The following CNOT9 variants were observed in gnomAD, a reference collection of about 807,000 sequenced individuals.
CNOT9 encodes RCD1 required for cell differentiation1 homolog.
Under a neutral mutation model 37.4 loss-of-function variants are expected in CNOT9, and 8 were observed. The observed-to-expected ratio is 0.21, with a 90% CI of 0.13 to 0.39. The LOEUF is 0.39. CNOT9 is among the 10% of genes least tolerant of loss of function. The probability of loss-of-function intolerance (pLI) is 1.00; values close to 1 mark genes in which losing one functional copy is unlikely to be tolerated. For missense variants in CNOT9, 154 were observed against 365.3 expected, an observed-to-expected ratio of 0.42 and a Z score of 4.71; for synonymous variants, 120 against 137.6, an observed-to-expected ratio of 0.87 and a Z score of 0.90.
At chr2:218,570,122 A>G (rs1693934331) in intron 1 of CNOT9, among the ~76,000 whole-genome samples, 2 of 152,230 alleles carry the variant, frequency 1.3e-5, no homozygotes, top group African/African-American at 2.4e-5. Context: ...TTGCTGCATG[A>G]AAGAATATTG....
At chr2:218,583,430 A>AT (rs1694484959) in intron 3 of CNOT9, among the ~76,000 whole-genome samples, 2 of 152,152 alleles carry the variant, frequency 1.3e-5, no homozygotes, top group African/African-American at 4.8e-5. Flanking sequence ...GGCATAGTGC[A>AT]TGGCATATAA....
In CNOT9 at chr2:218,587,609, C is replaced by A. The variant is rs745779361; in HGVS notation, c.454C>A (p.Gln152Lys). ...AGGGGCCCTGGTGAAAACAGATGAA[C>A]AAGAAGTAATCAACTTTTTATTAAC... ...VIGALVKTDE[Q>K]EVINFLLTTE... The change falls in exon 5 of 8, where the codon CAA becomes AAA. Residue 152 changes from glutamine to lysine, a missense_variant. Physicochemically the swap from Gln to Lys is moderately conservative, Grantham distance 53 (BLOSUM62 1). Coordinates refer to ENST00000273064, the MANE Select transcript of CNOT9 (RefSeq NM_005444.3). 1 of 1,604,520 alleles carries A rather than the reference C, an allele frequency of 6.2e-7. No individual in the cohort carries two copies. The highest frequency in any genetic ancestry group is 1.1e-5 in the South Asian group (1 of 88,768).
At position 218,592,936 on chromosome 2, in the gene CNOT9, G is replaced by C. The variant is rs994285673; in HGVS notation, c.731+229G>C. 1 of 534,082 alleles carries C rather than the reference G, an allele frequency of 1.9e-6. No individual in the cohort carries two copies. The highest frequency in any genetic ancestry group is 1.9e-5 in the African/African-American group (1 of 52,288). The allele number at this position is 534,082 out of a possible 1,614,324, so 33.1% of individuals were successfully genotyped here. A position where few individuals can be genotyped will look rare whatever the true frequency, so the allele number is the denominator to read the frequency against. On this transcript the variant is annotated intron_variant, in intron 7 of 7. Coordinates refer to ENST00000273064, the MANE Select transcript of CNOT9 (RefSeq NM_005444.3). The surrounding 1 kb of genome is among the most constrained non-coding windows in gnomAD (Gnocchi z 4.1). Reference sequence around the variant, plus strand: ...CTCCATCCTACTGTGAAATTCCAGAGAGTCTAGGCGATTCCAAAGGAAACC... The same window carrying C: ...CTCCATCCTACTGTGAAATTCCAGACAGTCTAGGCGATTCCAAAGGAAACC...
At chr2:218,580,504 G>T in intron 1 of CNOT9, 57 bp from the exon 2 acceptor site, 1 of 1,450,148 alleles carries the variant, frequency 6.9e-7, no homozygotes. Flanking sequence ...CTGTTGCAGG[G>T]TAAGACTTGG....
chr2:218,585,467 G>C (rs921560836), intron 4 of CNOT9, among the ~76,000 whole-genome samples: 8 of 151,554 alleles, frequency 5.3e-5, no homozygotes, highest in Non-Finnish European at 8.8e-5. Flanking sequence ...CAGCTGCTGG[G>C]GAGGCTGAGG....
intron 1 of CNOT9, among the ~76,000 whole-genome samples, chr2:218,577,416 C>T (rs140002589): frequency 6.6e-6 from 1 of 152,284 alleles, no homozygotes; most frequent in Non-Finnish European, 1.5e-5. Context: ...AGCTAGTGCC[C>T]ATGGGGGCCA....
chr2:218,569,174 C>T (rs971469355), intron 1 of CNOT9, among the ~76,000 whole-genome samples, 196 bp downstream of exon 1: 2 of 152,214 alleles, frequency 1.3e-5, no homozygotes, highest in Non-Finnish European at 2.9e-5. Flanking sequence ...ACGCCTCTCG[C>T]GGCCTTCAGC....
At chr2:218,583,281 C>G (rs1326521778) in intron 3 of CNOT9, among the ~76,000 whole-genome samples, 195 bp downstream of exon 3, 1 of 116,610 alleles carries the variant, frequency 8.6e-6, no homozygotes, top group Non-Finnish European at 1.7e-5. Context: ...CTCTCTCTCT[C>G]TCTCTCCTGG....
intron 3 of CNOT9, 143 bp downstream of exon 3, chr2:218,583,229 G>GTC (rs1694470626): frequency 2.7e-4 from 24 of 90,128 alleles, no homozygotes; most frequent in East Asian, 2.3e-4. Context: ...GTGTGTGTGT[G>GTC]TGTGTCTCTC....
intron 1 of CNOT9, among the ~76,000 whole-genome samples, chr2:218,573,134 G>A (rs764175446): frequency 6.6e-6 from 1 of 151,902 alleles, no homozygotes; most frequent in Non-Finnish European, 1.5e-5. Flanking sequence ...CCTGGCCAAC[G>A]TAGTGAAACC....
rs1694912860 is a variant in CNOT9 at position 218,595,791 on chromosome 2, A to G, written c.*1515A>G. On this transcript the variant is annotated 3_prime_UTR_variant, in exon 8 of 8. Transcript: ENST00000273064. ...CATTTGCAGAGGCAGTTTTGCCAACACAAGGGCTCTTTCAAGCCGACTTTC... is the reference window on the plus strand; with the variant it reads ...CATTTGCAGAGGCAGTTTTGCCAACGCAAGGGCTCTTTCAAGCCGACTTTC... The G allele has an allele frequency of 6.6e-6, 1 of 151,692 alleles. No homozygotes were observed. The highest frequency in any genetic ancestry group is 2.4e-5 in the African/African-American group (1 of 41,320). 9.4% of individuals were successfully genotyped at this position (151,692 alleles called of 1,614,324 possible). A position where few individuals can be genotyped will look rare whatever the true frequency, so the allele number is the denominator to read the frequency against.
chr2:218,569,165 C>A (rs689116), intron 1 of CNOT9, among the ~76,000 whole-genome samples, 187 bp downstream of exon 1: 70,683 of 152,098 alleles, frequency 0.46, 19,566 homozygotes, highest in East Asian at 0.78. Flanking sequence ...CCTTGCCGGA[C>A]GCCTCTCGCG....
At position 218,594,134 on chromosome 2, in the gene CNOT9, T is replaced by C; in HGVS notation, c.758T>C (p.Leu253Pro). 6.2e-7 allele frequency: 1 copy of C among 1,614,218 alleles called. No homozygotes were observed. Among genetic ancestry groups the C allele is most frequent in the Non-Finnish European group, 8.5e-7 (1 of 1,180,032 alleles). Residue 253 changes from leucine (L) to proline (P), a missense_variant, in exon 8 of 8, where the codon CTC becomes CCC. Leu to Pro is a moderately conservative substitution (Grantham distance 98). This residue lies in a region of CNOT9 where 117 missense variants were observed against 325.4 expected (regional missense o/e 0.36). Transcript: ENST00000273064. ...GCACGTGAAGCACTCAGACAGTGCC[T>C]CCCTGACCAGCTGAAAGACACAACC... ...PRAREALRQC[L>P]PDQLKDTTFA...
In CNOT9 at chr2:218,595,404, C is replaced by CTTTTTTTGTTTTTTTTTTTTTTTTT. The variant is rs1694899865; in HGVS notation, c.*1135_*1136insGTTTTTTTTTTTTTTTTTTTTTTTT. 1 of 50,928 alleles carries CTTTTTTTGTTTTTTTTTTTTTTTTT rather than the reference C, an allele frequency of 2.0e-5. No homozygotes were observed. The highest frequency in any genetic ancestry group is 3.6e-5 in the Non-Finnish European group (1 of 27,418). 3.2% of individuals were successfully genotyped at this position (50,928 alleles called of 1,614,324 possible). A position where few individuals can be genotyped will look rare whatever the true frequency, so the allele number is the denominator to read the frequency against. ...GAGGGCTGGGTTCTGCTCACTCAGTCTTTTTTTTTTTTTTTTTTTTTTTTT... is the reference window on the plus strand; with the variant it reads ...GAGGGCTGGGTTCTGCTCACTCAGTCTTTTTTTGTTTTTTTTTTTTTTTTTTTTTTTTTTTTTTTTTTTTTTTTTT... On this transcript the variant is annotated 3_prime_UTR_variant, in exon 8 of 8. Coordinates refer to ENST00000273064, the MANE Select transcript of CNOT9 (RefSeq NM_005444.3).
At chr2:218,583,608 G>A (rs1314473911) in intron 3 of CNOT9, among the ~76,000 whole-genome samples, 1 of 152,126 alleles carries the variant, frequency 6.6e-6, no homozygotes, top group African/African-American at 2.4e-5. Flanking sequence ...TAAGAAAAGG[G>A]AAATCCTGTT....
At chr2:218,569,096 C>T (rs572293833) in intron 1 of CNOT9, 118 bp downstream of exon 1, 2 of 1,109,754 alleles carry the variant, frequency 1.8e-6, no homozygotes, top group African/African-American at 3.2e-5. Flanking sequence ...CCCTCAATCT[C>T]CAAGGCCCCG....
At chr2:218,586,377 C>T (rs1694598765) in intron 4 of CNOT9, among the ~76,000 whole-genome samples, 1 of 152,142 alleles carries the variant, frequency 6.6e-6, no homozygotes. Context: ...GCTTGTGCTC[C>T]CTCATTCGCT....
At chr2:218,587,498 T>C in intron 4 of CNOT9, 88 bp from the exon 5 acceptor site, 1 of 1,363,394 alleles carries the variant, frequency 7.3e-7, no homozygotes, top group South Asian at 2.1e-5. Flanking sequence ...TTATTTAAGT[T>C]CACAACTCAC....
intron 1 of CNOT9, 109 bp downstream of exon 1, chr2:218,569,087 C>T (rs372876112): frequency 8.2e-7 from 1 of 1,223,104 alleles, no homozygotes. Flanking sequence ...TTTTTTCTGC[C>T]CTCAATCTCC....
Sources: allele counts gnomAD v4.1 joint callset (sites outside exome capture counted in the v4.1 genomes callset), GRCh38; gene constraint gnomAD v4.1.1; regional missense constraint gnomAD v4.1.1; non-coding constraint Gnocchi (gnomAD v3.1); transcripts MANE v1.5; gene names NCBI Gene and HGNC (gene_info 2026-07-23, HGNC 2026-07-21).